Variants in PRPF39 observed in about 807,000 individuals in gnomAD.
The protein encoded by PRPF39 is pre-mRNA-processing factor 39.
Under a neutral mutation model 82.1 loss-of-function variants are expected in PRPF39, and 27 were observed. That is an observed-to-expected ratio of 0.33 (90% CI 0.24 to 0.45). The LOEUF (loss-of-function observed/expected upper bound fraction) is 0.45. PRPF39 is among the 20% of genes least tolerant of loss of function. PRPF39 has a pLI of 1.00. For synonymous variants in PRPF39, 261 were observed against 256.4 expected (o/e 1.02, Z -0.17); for missense variants, 581 against 796.9 (o/e 0.73, Z 3.26).
At chr14:45,100,619 C>T (rs1884346324) in intron 4 of PRPF39, among the ~76,000 whole-genome samples, 1 of 152,128 alleles carries the variant, frequency 6.6e-6, no homozygotes, top group African/African-American at 2.4e-5. Flanking sequence ...TTTTCTGAAT[C>T]ATTTGGGGTT....
In PRPF39 at chr14:45,114,957, AATT is replaced by A. The variant is rs545589880; in HGVS notation, c.*51_*53del. 251 of 1,480,676 alleles carry A rather than the reference AATT, an allele frequency of 1.7e-4. No individual in the cohort carries two copies. The African/African-American group carries it at 3.1e-3, about 18-fold the overall frequency. 91.7% of individuals were successfully genotyped at this position (1,480,676 alleles called of 1,614,324 possible). A position where few individuals can be genotyped will look rare whatever the true frequency, so the allele number is the denominator to read the frequency against. ...CAAATGCAGTGTGTGAAAAGTATGA[AATT>A]ATTATTTTTTTTAATGAGGGATGTA... On this transcript the variant is annotated 3_prime_UTR_variant, in exon 14 of 14. Coordinates refer to ENST00000355765, the MANE Select transcript of PRPF39 (RefSeq NM_017922.4).
At chr14:45,106,477 GCTC>G (rs1289104871) in intron 5 of PRPF39, among the ~76,000 whole-genome samples, 1 of 152,078 alleles carries the variant, frequency 6.6e-6, no homozygotes, top group Non-Finnish European at 1.5e-5. Context: ...AGATATTTTA[GCTC>G]CTCAACCTGG....
At position 45,112,517 on chromosome 14, in the gene PRPF39, A is replaced by C; in HGVS notation, c.1757+15A>C. 6.9e-7 allele frequency: 1 copy of C among 1,451,424 alleles called. No homozygotes were observed. The highest frequency in any genetic ancestry group is 2.7e-5 in the Admixed American group (1 of 36,366). The allele number at this position is 1,451,424 out of a possible 1,614,324, so 89.9% of individuals were successfully genotyped here. On this transcript the variant is annotated intron_variant, in intron 11 of 13. Coordinates refer to ENST00000355765, the MANE Select transcript of PRPF39 (RefSeq NM_017922.4). The stretch of plus-strand genomic sequence containing the variant: ...GATGTTAATAAGTAAGATATTAGTT[A>C]TATTACCTATTTGAATGATAAATGA...
At position 45,096,050 on chromosome 14, in the gene PRPF39, AT is replaced by A. The variant is rs5808291; in HGVS notation, c.325-46del. 0.011 allele frequency: 15,598 copies of A among 1,436,104 alleles called. 1,374 individuals are homozygous for A. The African/African-American group carries it at 0.19, about 18-fold the overall frequency. The allele number at this position is 1,436,104 out of a possible 1,614,324, so 89.0% of individuals were successfully genotyped here. A position where few individuals can be genotyped will look rare whatever the true frequency, so the allele number is the denominator to read the frequency against. On this transcript the variant is annotated intron_variant, in intron 2 of 13. Transcript: ENST00000355765. Reference sequence around the variant, plus strand: ...ATAACGTTTGAAAGGAATAATAAATATTTTTTTGACAGAAATTTCCACAATA... The same window carrying A: ...ATAACGTTTGAAAGGAATAATAAATATTTTTTGACAGAAATTTCCACAATA...
At chr14:45,088,287 A>C (rs147114080) in intron 1 of PRPF39, 1 of 169,384 alleles carries the variant, frequency 5.9e-6, no homozygotes, top group African/African-American at 2.4e-5. Context: ...TTAATTATGA[A>C]AACAACTACT....
chr14:45,099,705 A>G (rs1199621938), intron 4 of PRPF39, among the ~76,000 whole-genome samples: 1 of 152,158 alleles, frequency 6.6e-6, no homozygotes, highest in African/African-American at 2.4e-5. Flanking sequence ...TGGCCTCCCA[A>G]AGTGCTGGGA....
At position 45,110,538 on chromosome 14, in the gene PRPF39, A is replaced by C; in HGVS notation, c.1304-11A>C. The stretch of plus-strand genomic sequence containing the variant: ...TAAACCAAAGCATAAACATTTAATT[A>C]CTGTTTCTAGGTAATATTAATGAAG... On this transcript the variant is annotated splice_polypyrimidine_tract_variant and intron_variant, in intron 9 of 13. Transcript: ENST00000355765. The surrounding 1 kb of genome is among the most constrained non-coding windows in gnomAD (Gnocchi z 4.0). 6.5e-7 allele frequency: 1 copy of C among 1,548,016 alleles called. No homozygotes were observed. Among genetic ancestry groups the C allele is most frequent in the Non-Finnish European group, 8.7e-7 (1 of 1,143,614 alleles).
chr14:45,092,437 C>G (rs2139039724), intron 1 of PRPF39, among the ~76,000 whole-genome samples: 1 of 151,918 alleles, frequency 6.6e-6, no homozygotes, highest in East Asian at 1.9e-4. Context: ...CTCGTCTCTC[C>G]TAAAAATACA....
intron 6 of PRPF39, 28 bp downstream of exon 6, chr14:45,107,644 A>T: frequency 6.5e-7 from 1 of 1,543,092 alleles, no homozygotes; most frequent in Non-Finnish European, 8.8e-7. Context: ...AAAGTTCGTC[A>T]GTGGCCAGGT....
intron 10 of PRPF39, 53 bp from the exon 11 acceptor site, chr14:45,112,263 CTG>C (rs1306644315): frequency 7.3e-7 from 1 of 1,373,916 alleles, no homozygotes; most frequent in Non-Finnish European, 9.7e-7. Context: ...TTTTAAATAT[CTG>C]TGCTCTAATA....
At chr14:45,107,211 G>T (rs1366592278) in intron 5 of PRPF39, among the ~76,000 whole-genome samples, 1 of 152,118 alleles carries the variant, frequency 6.6e-6, no homozygotes, top group Non-Finnish European at 1.5e-5. Flanking sequence ...GCCCGTCCAT[G>T]CCTTCTCCAT....
At chr14:45,106,466 T>C (rs1317531496) in intron 5 of PRPF39, among the ~76,000 whole-genome samples, 3 of 152,222 alleles carry the variant, frequency 2.0e-5, no homozygotes, top group African/African-American at 4.8e-5. Context: ...TGTGATAGTG[T>C]AGATATTTTA....
chr14:45,116,182 C>G lies in PRPF39; in HGVS notation c.*1269C>G. 6.3e-7 allele frequency: 1 copy of G among 1,589,930 alleles called. No individual in the cohort carries two copies. The highest frequency in any genetic ancestry group is 8.6e-7 in the Non-Finnish European group (1 of 1,158,370). On this transcript the variant is annotated 3_prime_UTR_variant, in exon 14 of 14. Transcript: ENST00000355765. ...ATCATTGTTGCTAATATCCTTAGAG[C>G]TGAAGCACTGCTATTTCAATCAATA...
chr14:45,088,089 G>A (rs1883901748), intron 1 of PRPF39, among the ~76,000 whole-genome samples: 1 of 152,186 alleles, frequency 6.6e-6, no homozygotes, highest in African/African-American at 2.4e-5. Flanking sequence ...CAAGAATTGT[G>A]TAATCTGGTA....
At chr14:45,098,260 A>G (rs929204578) in intron 4 of PRPF39, among the ~76,000 whole-genome samples, 1 of 152,104 alleles carries the variant, frequency 6.6e-6, no homozygotes, top group Non-Finnish European at 1.5e-5. Context: ...AGCCTGAGTG[A>G]CAGAGTGAGA....
intron 3 of PRPF39, 34 bp from the exon 4 acceptor site, chr14:45,096,853 A>G: frequency 6.5e-7 from 1 of 1,536,222 alleles, no homozygotes; most frequent in Non-Finnish European, 8.8e-7. Flanking sequence ...AAATAATTAA[A>G]TATTTGAAGT....
At position 45,110,743 on chromosome 14, in the gene PRPF39, C is replaced by T. The variant is rs951323282; in HGVS notation, c.1498C>T (p.Arg500Trp). 5 of 1,557,714 alleles carry T rather than the reference C, an allele frequency of 3.2e-6. No homozygotes were observed. Among genetic ancestry groups the T allele is most frequent in the Non-Finnish European group, 3.5e-6 (4 of 1,149,904 alleles). ...TTCATTTTATGCTGTCAAACTAGCCCGGCATCTTTTCAAAATACAGAAAAA... is the reference window on the plus strand; with the variant it reads ...TTCATTTTATGCTGTCAAACTAGCCTGGCATCTTTTCAAAATACAGAAAAA... ...ESSFYAVKLA[R>W]HLFKIQKNLP... The change falls in exon 10 of 14, where the codon CGG becomes TGG. Residue 500 changes from arginine to tryptophan, a missense_variant. Physicochemically the swap from Arg to Trp is moderately radical, Grantham distance 101 (BLOSUM62 -3). Coordinates refer to ENST00000355765, the MANE Select transcript of PRPF39 (RefSeq NM_017922.4). The surrounding 1 kb of genome is among the most constrained non-coding windows in gnomAD (Gnocchi z 4.0).
Position 45,089,014 on chromosome 14 carries a change from A to G in PRPF39, c.-20+4765A>G, listed in dbSNP as rs184091197. The stretch of plus-strand genomic sequence containing the variant: ...GATTACTTAGCCCCTTATTACAGAT[A>G]TGATATGCAAATATTTTCTCCCATT... On this transcript the variant is annotated intron_variant, in intron 1 of 13. Coordinates refer to ENST00000355765, the MANE Select transcript of PRPF39 (RefSeq NM_017922.4). 1.0e-3 allele frequency among the ~76,000 whole-genome samples: 157 copies of G among 152,356 alleles called. 2 individuals carry two copies. The highest frequency in any genetic ancestry group is 3.2e-4 in the Non-Finnish European group (22 of 68,036).
At chr14:45,102,501 A>T (rs997531172) in intron 4 of PRPF39, 28 bp from the exon 5 acceptor site, 2 of 1,529,800 alleles carry the variant, frequency 1.3e-6, no homozygotes, top group Admixed American at 4.5e-5. Context: ...TCTTGGAAAG[A>T]TAACTTAAGA....
Sources: gnomAD v4.1 joint callset for allele counts (sites outside exome capture counted in the v4.1 genomes callset) on GRCh38, gnomAD v4.1.1 for gene constraint, Gnocchi (gnomAD v3.1) non-coding constraint, MANE v1.5 for transcripts, NCBI Gene and HGNC (gene_info 2026-07-23, HGNC 2026-07-21) for gene names.